Variants in FANCA observed in about 807,000 individuals in gnomAD.
The protein encoded by FANCA is FA complementation group A.
In FANCA, 236 loss-of-function variants were observed where a neutral mutation model predicts 194.3. The ratio of observed to expected loss-of-function variants is 1.21; its 90% CI spans 1.09 to 1.35. The LOEUF (loss-of-function observed/expected upper bound fraction) is 1.35, where lower values mean the gene tolerates loss of function less well. Among genes scored for constraint, FANCA ranks in the 40% most tolerant of loss-of-function variants. The probability of loss-of-function intolerance (pLI) is 0.00; values close to 1 mark genes in which losing one functional copy is unlikely to be tolerated. For synonymous variants in FANCA, 1,014 were observed against 715.8 expected (o/e 1.42, Z -6.65); for missense variants, 2,628 against 1,813.9 (o/e 1.45, Z -8.15).
chr16:89,791,535 G>T lies in FANCA; in HGVS notation c.1227C>A (p.Asp409Glu). The change falls in exon 14 of 43, where the codon GAC becomes GAA. Residue 409 changes from aspartate (D) to glutamate (E), a missense_variant and splice_region_variant. Transcript: ENST00000389301. ...CFPEAQQLLE[D>E]WVARLMAQAF... ...CCTGGGCCATCAAACGCGCCACCCAGTCTAGTTAAGAACCATGACATAGTC... is the reference window on the plus strand; with the variant it reads ...CCTGGGCCATCAAACGCGCCACCCATTCTAGTTAAGAACCATGACATAGTC... The T allele has an allele frequency of 6.2e-7, 1 of 1,614,052 alleles. No homozygotes were observed. The highest frequency in any genetic ancestry group is 8.5e-7 in the Non-Finnish European group (1 of 1,180,012).
In FANCA at chr16:89,795,636, TCAAA is replaced by T. The variant is rs1476608061; in HGVS notation, c.1006+266_1006+269del. ...ATGGGCAAGTGAGTGAGACTCTGAC[TCAAA>T]CAAACAAACAAAAAAGATATTTCTA... On this transcript the variant is annotated intron_variant, in intron 11 of 42. Coordinates refer to ENST00000389301, the MANE Select transcript of FANCA (RefSeq NM_000135.4). Among the ~76,000 whole-genome samples, 39 of 152,312 alleles carry T rather than the reference TCAAA, an allele frequency of 2.6e-4. No individual in the cohort carries two copies. The East Asian group carries it at 2.9e-3, about 11-fold the overall frequency.
rs1384886665 is a variant in FANCA at position 89,752,004 on chromosome 16, G to C, written c.3066+134C>G. 5.1e-6 allele frequency: 4 copies of C among 787,608 alleles called. No homozygotes were observed. The African/African-American group carries it at 6.7e-5, about 13-fold the overall frequency. The allele number at this position is 787,608 out of a possible 1,614,324, so 48.8% of individuals were successfully genotyped here. A position where few individuals can be genotyped will look rare whatever the true frequency, so the allele number is the denominator to read the frequency against. On this transcript the variant is annotated intron_variant, in intron 31 of 42. Coordinates refer to ENST00000389301, the MANE Select transcript of FANCA (RefSeq NM_000135.4). Reference sequence around the variant, plus strand: ...CCAGCATGGTCTCGATCTCCTGACTGTGTGATCCGCCTGCCTCGGCCTCCC... The same window carrying C: ...CCAGCATGGTCTCGATCTCCTGACTCTGTGATCCGCCTGCCTCGGCCTCCC...
At chr16:89,783,946 A>C (rs1290810555) in intron 15 of FANCA, among the ~76,000 whole-genome samples, 1 of 152,004 alleles carries the variant, frequency 6.6e-6, no homozygotes, top group African/African-American at 2.4e-5. Context: ...TTTTCAGTAG[A>C]CAGGGGGTTT....
intron 20 of FANCA, among the ~76,000 whole-genome samples, chr16:89,777,725 T>C (rs1245450109): frequency 6.6e-6 from 1 of 152,072 alleles, no homozygotes; most frequent in Non-Finnish European, 1.5e-5. Context: ...ATGTAAGTGA[T>C]CCAAGGATAC....
In FANCA at chr16:89,739,159, C is replaced by A; in HGVS notation, c.4141G>T (p.Gly1381Cys). The change falls in exon 41 of 43, where the codon GGC becomes TGC. Residue 1381 changes from glycine to cysteine, a missense_variant. Gly to Cys is a radical substitution (Grantham distance 159). Transcript: ENST00000389301. ...GDTSTVSPPAGRSLELKGQGN... is the reference protein window; with the variant it reads ...GDTSTVSPPACRSLELKGQGN... ...TGACCCTTGAGCTCCAGGCTCCTGC[C>A]AGCTGGAGGTGAAACTGTGCTTGTA... 2 of 1,614,180 alleles carry A rather than the reference C, an allele frequency of 1.2e-6. No individual in the cohort carries two copies. Among genetic ancestry groups the A allele is most frequent in the Non-Finnish European group, 1.7e-6 (2 of 1,180,038 alleles).
chr16:89,778,930 G>A lies in FANCA; in HGVS notation c.1776+13C>T, dbSNP rs371272310. The A allele has an allele frequency of 9.9e-5, 159 of 1,614,020 alleles. No individual in the cohort carries two copies. The highest frequency in any genetic ancestry group is 1.3e-4 in the Non-Finnish European group (150 of 1,180,010). On this transcript the variant is annotated intron_variant, in intron 19 of 42. Coordinates refer to ENST00000389301, the MANE Select transcript of FANCA (RefSeq NM_000135.4). ...ACACAACTGGTCACAAACTCATGGA[G>A]ACGCATACTGACCACTCGAGGTGTG...
At chr16:89,787,305 C>A (rs1444213449) in intron 14 of FANCA, among the ~76,000 whole-genome samples, 1 of 152,044 alleles carries the variant, frequency 6.6e-6, no homozygotes, top group African/African-American at 2.4e-5. Flanking sequence ...GGGCAGATCA[C>A]GAGTTCAGGA....
chr16:89,742,574 C>T (rs2062160083), intron 37 of FANCA, among the ~76,000 whole-genome samples: 1 of 150,498 alleles, frequency 6.6e-6, no homozygotes, highest in Non-Finnish European at 1.5e-5. Context: ...CTTTGGGAGG[C>T]CAAGGCGGGA....
rs1238197027 is a variant in FANCA, at chr16:89,738,218, G to A, written c.*383C>T. On this transcript the variant is annotated 3_prime_UTR_variant, in exon 43 of 43. Coordinates refer to ENST00000389301, the MANE Select transcript of FANCA (RefSeq NM_000135.4). ...CCGAGCCCCTCTGTGACCACAGAGG[G>A]CCAGGCGGTGAAGCCCGAACCCACC... The A allele has an allele frequency of 1.9e-6, 3 of 1,609,038 alleles. No homozygotes were observed. The Admixed American group carries it at 5.1e-5, about 27-fold the overall frequency.
At chr16:89,773,064 G>A (rs2039378109) in intron 22 of FANCA, among the ~76,000 whole-genome samples, 1 of 152,128 alleles carries the variant, frequency 6.6e-6, no homozygotes, top group Middle Eastern at 3.2e-3. Context: ...CTTCTGCCAA[G>A]GGTCTGTGAC....
chr16:89,768,943 G>C lies in FANCA; in HGVS notation c.2504+894C>G, dbSNP rs56050785. Among the ~76,000 whole-genome samples, 57 of 152,204 alleles carry C rather than the reference G, an allele frequency of 3.7e-4. No homozygotes were observed. The East Asian group carries it at 0.01, about 27-fold the overall frequency. ...ACTCAGTGTTTGGGGCCTGGGGTGA[G>C]TGGGGACTGTCTGGTGTGGCCAAGC... On this transcript the variant is annotated intron_variant, in intron 26 of 42. Transcript: ENST00000389301.
At chr16:89,804,940 G>A (rs572849678) in intron 7 of FANCA, among the ~76,000 whole-genome samples, 6 of 152,264 alleles carry the variant, frequency 3.9e-5, no homozygotes, top group Admixed American at 6.5e-5. Flanking sequence ...AGGAGGTTGA[G>A]GCAGAGAATC....
rs771226546 is a variant in FANCA, at chr16:89,771,702, C to G, written c.2127G>C (p.Pro709=). The change falls in exon 23 of 43, where the codon CCG becomes CCC. Residue 709 remains proline, a synonymous_variant. Transcript: ENST00000389301. ...ISKIQLSINT[P]RLEPREHMAV... is the part of the protein sequence containing the mutation. ...CCATGTGTTCCCGTGGCTCCAGTCT[C>G]GGCGTGTTGATGCTGAGCTGAATCT... 6.2e-7 allele frequency: 1 copy of G among 1,614,208 alleles called. No individual in the cohort carries two copies. Among genetic ancestry groups the G allele is most frequent in the South Asian group, 1.1e-5 (1 of 91,088 alleles).
chr16:89,797,797 A>C (rs1255320169), intron 10 of FANCA, among the ~76,000 whole-genome samples: 1 of 152,154 alleles, frequency 6.6e-6, no homozygotes. Context: ...CAGGAGGCTG[A>C]GGCAGAAGAA....
chr16:89,805,323 T>A lies in FANCA; in HGVS notation c.666A>T (p.Glu222Asp). 1 of 1,614,060 alleles carries A rather than the reference T, an allele frequency of 6.2e-7. No individual in the cohort carries two copies. Among genetic ancestry groups the A allele is most frequent in the Non-Finnish European group, 8.5e-7 (1 of 1,179,970 alleles). The change falls in exon 7 of 43, where the codon GAA becomes GAT. Residue 222 changes from glutamate (E) to aspartate (D), a missense_variant. By Grantham distance (45) the Glu-to-Asp change is conservative. Transcript: ENST00000389301. Reference sequence around the variant, plus strand: ...CGACGTCAGCATGCTGGCAGGATGCTTCCATCTGTTCACAAAGGCAGCACA... The same window carrying A: ...CGACGTCAGCATGCTGGCAGGATGCATCCATCTGTTCACAAAGGCAGCACA... ...RNLCCLCEQM[E>D]ASCQHADVAR...
intron 17 of FANCA, 112 bp from the exon 18 acceptor site, chr16:89,780,069 T>A: frequency 1.0e-6 from 1 of 996,032 alleles, no homozygotes; most frequent in Non-Finnish European, 1.6e-6. Context: ...TCTGTACACA[T>A]TAAAGGTAAA....
intron 33 of FANCA, among the ~76,000 whole-genome samples, chr16:89,747,465 C>G (rs567297011): frequency 6.6e-6 from 1 of 152,272 alleles, no homozygotes; most frequent in Non-Finnish European, 1.5e-5. Flanking sequence ...CTTTGGGAGG[C>G]CAAGGCGGGT....
At position 89,739,123 on chromosome 16, in the gene FANCA, T is replaced by C; in HGVS notation, c.4167+10A>G. The C allele has an allele frequency of 6.2e-7, 1 of 1,614,124 alleles. No individual in the cohort carries two copies. Among genetic ancestry groups the C allele is most frequent in the East Asian group, 2.2e-5 (1 of 44,886 alleles). On this transcript the variant is annotated intron_variant, in intron 41 of 42. Transcript: ENST00000389301. ...GCTCCCCTGGAGGTGGGACTGGCCC[T>C]TGCACCTGCCTGACCCTTGAGCTCC...
chr16:89,813,806 C>CTGTGTGTGTGTGTGTG (rs71137678), intron 3 of FANCA, among the ~76,000 whole-genome samples: 47 of 149,546 alleles, frequency 3.1e-4, no homozygotes, highest in African/African-American at 1.0e-3. Flanking sequence ...AAGTCTTTTA[C>CTGTGTGTGTGTGTGTG]TGTGTGTGTG....
Sources: allele counts gnomAD v4.1 joint callset (sites outside exome capture counted in the v4.1 genomes callset), GRCh38; gene constraint gnomAD v4.1.1; transcripts MANE v1.5; gene names NCBI Gene and HGNC (gene_info 2026-07-23, HGNC 2026-07-21).